Variants in EIF3A observed in about 807,000 individuals in gnomAD.
The protein encoded by EIF3A is EIF3, p180 subunit.
EIF3A carries 21 observed loss-of-function variants against 186.6 expected under a neutral mutation model. The ratio of observed to expected loss-of-function variants is 0.11; its 90% CI spans 0.08 to 0.16. The LOEUF is 0.16. Among genes scored for constraint, EIF3A ranks in the 10% least tolerant of loss-of-function variants. The pLI is 1.00. For synonymous variants in EIF3A, 563 were observed against 584.3 expected (o/e 0.96, Z 0.52); for missense variants, 1,306 against 1,796.3 (o/e 0.73, Z 4.93).
intron 8 of EIF3A, 35 bp from the exon 9 acceptor site, chr10:119,060,879 T>A: frequency 7.0e-7 from 1 of 1,427,398 alleles, no homozygotes; most frequent in Non-Finnish European, 9.7e-7. Context: ...AGAATCACAC[T>A]TTCTACATAA....
intron 6 of EIF3A, among the ~76,000 whole-genome samples, chr10:119,066,038 C>T (rs1241666905): frequency 6.6e-6 from 1 of 151,730 alleles, no homozygotes; most frequent in African/African-American, 2.4e-5. Flanking sequence ...ATCGCATGAA[C>T]CCGGGAGGCG....
At chr10:119,043,998 A>G in intron 18 of EIF3A, 56 bp downstream of exon 18, 1 of 1,286,704 alleles carries the variant, frequency 7.8e-7, no homozygotes, top group Non-Finnish European at 1.1e-6. Context: ...TTTTAAAACC[A>G]CTGATAAGAT....
At chr10:119,037,085 T>A in intron 21 of EIF3A, 34 bp downstream of exon 21, 1 of 559,836 alleles carries the variant, frequency 1.8e-6, no homozygotes, top group Non-Finnish European at 3.1e-6. Context: ...AAACGACAGT[T>A]CTCCAATACT....
At chr10:119,072,024 CAA>C (rs56100757) in intron 4 of EIF3A, among the ~76,000 whole-genome samples, 8 of 59,472 alleles carry the variant, frequency 1.3e-4, no homozygotes, top group African/African-American at 4.8e-4. Flanking sequence ...GACTCTGTCT[CAA>C]AAAAAAAAAA....
At position 119,057,825 on chromosome 10, in the gene EIF3A, T is replaced by G. The variant is rs189896018; in HGVS notation, c.1977+131A>C. ...CAATAAACATATGCTTACTCACAGA[T>G]TTAGTCATGACCAGCTGTACCAAAA... On this transcript the variant is annotated intron_variant, in intron 12 of 21. Transcript: ENST00000369144. The G allele has an allele frequency of 7.0e-4, 491 of 704,652 alleles. 2 individuals are homozygous for G. The African/African-American group carries it at 7.7e-3, about 11-fold the overall frequency. The allele number at this position is 704,652 out of a possible 1,614,324, so 43.6% of individuals were successfully genotyped here.
chr10:119,056,255 G>A (rs913000867), intron 14 of EIF3A, among the ~76,000 whole-genome samples: 3 of 152,136 alleles, frequency 2.0e-5, no homozygotes, highest in African/African-American at 7.2e-5. Context: ...AGTCACGAAA[G>A]ACAACACAGT....
chr10:119,066,274 C>T (rs1156761803), intron 6 of EIF3A, among the ~76,000 whole-genome samples: 2 of 151,504 alleles, frequency 1.3e-5, no homozygotes, highest in African/African-American at 2.4e-5. Flanking sequence ...TTTGGGAGGC[C>T]GAAGCAGACG....
At position 119,037,177 on chromosome 10, in the gene EIF3A, T is replaced by G. The variant is rs1848143692; in HGVS notation, c.3861A>C (p.Arg1287=). The change falls in exon 21 of 22, where the codon CGA becomes CGC. Residue 1287 remains arginine (R), a synonymous_variant. Coordinates refer to ENST00000369144, the MANE Select transcript of EIF3A (RefSeq NM_003750.4). Reference sequence around the variant, plus strand: ...TTCGGTCCCTGTCGTCTCTTAGATCTCGTCTTTCTCTTAGATCACGCCGGT... The same window carrying G: ...TTCGGTCCCTGTCGTCTCTTAGATCGCGTCTTTCTCTTAGATCACGCCGGT... ...RDDRRDLRER[R]DLRDDRDRRG... is the part of the protein sequence containing the mutation. 6.2e-7 allele frequency: 1 copy of G among 1,613,196 alleles called. No individual in the cohort carries two copies. Among genetic ancestry groups the G allele is most frequent in the African/African-American group, 1.3e-5 (1 of 74,734 alleles).
intron 17 of EIF3A, among the ~76,000 whole-genome samples, chr10:119,047,195 G>A (rs1265898602): frequency 6.6e-6 from 1 of 152,158 alleles, no homozygotes; most frequent in African/African-American, 2.4e-5. Flanking sequence ...TTGAAACTGG[G>A]AGGCGGAGGT....
intron 10 of EIF3A, 29 bp downstream of exon 10, chr10:119,059,573 T>A: frequency 6.5e-7 from 1 of 1,549,358 alleles, no homozygotes; most frequent in Non-Finnish European, 8.9e-7. Flanking sequence ...TCAAGGGCCT[T>A]CTCCTGTCTC....
intron 17 of EIF3A, among the ~76,000 whole-genome samples, chr10:119,048,772 A>G (rs1168190863): frequency 1.3e-5 from 2 of 151,876 alleles, no homozygotes; most frequent in East Asian, 1.9e-4. Flanking sequence ...CCTGGGTTCA[A>G]GCAATTCTCC....
chr10:119,040,594 G>C (rs182905346), intron 19 of EIF3A, among the ~76,000 whole-genome samples: 1 of 152,208 alleles, frequency 6.6e-6, no homozygotes, highest in Non-Finnish European at 1.5e-5. Context: ...AAAACTGGCC[G>C]GGGCAGTGGC....
At chr10:119,073,258 G>A (rs1844107764) in intron 3 of EIF3A, among the ~76,000 whole-genome samples, 183 bp downstream of exon 3, 1 of 152,094 alleles carries the variant, frequency 6.6e-6, no homozygotes, top group African/African-American at 2.4e-5. Flanking sequence ...TCTTAAGGCT[G>A]TCATTTTCCA....
intron 12 of EIF3A, among the ~76,000 whole-genome samples, chr10:119,057,400 A>G (rs555593811): frequency 8.5e-5 from 13 of 152,352 alleles, no homozygotes; most frequent in African/African-American, 3.1e-4. Context: ...AGGTCAGTCA[A>G]AATGCATTCA....
At chr10:119,066,938 C>T (rs1476613319) in intron 6 of EIF3A, among the ~76,000 whole-genome samples, 1 of 152,146 alleles carries the variant, frequency 6.6e-6, no homozygotes, top group East Asian at 1.9e-4. Flanking sequence ...GTGGACCAGG[C>T]GCAGTGGCTC....
At chr10:119,044,893 A>G (rs896085603) in intron 17 of EIF3A, among the ~76,000 whole-genome samples, 1 of 152,092 alleles carries the variant, frequency 6.6e-6, no homozygotes, top group Non-Finnish European at 1.5e-5. Flanking sequence ...AATAAGCTAC[A>G]GTCTCAAACA....
At chr10:119,059,921 CTA>C in intron 9 of EIF3A, 1 of 615,470 alleles carries the variant, frequency 1.6e-6, no homozygotes, top group East Asian at 2.9e-5. Flanking sequence ...TTCCTCAAAC[CTA>C]TAATCTTTTC....
chr10:119,036,531 G>A (rs1410421359), intron 21 of EIF3A, among the ~76,000 whole-genome samples: 1 of 152,138 alleles, frequency 6.6e-6, no homozygotes, highest in Non-Finnish European at 1.5e-5. Flanking sequence ...ACTACAGTTA[G>A]TATAAACCCG....
At chr10:119,075,065 G>C (rs1404706456) in intron 1 of EIF3A, among the ~76,000 whole-genome samples, 3 of 135,216 alleles carry the variant, frequency 2.2e-5, no homozygotes, top group African/African-American at 8.2e-5. Context: ...CACCGCAACC[G>C]ATTCTCCTGC....
Sources: allele counts gnomAD v4.1 joint callset (sites outside exome capture counted in the v4.1 genomes callset), GRCh38; gene constraint gnomAD v4.1.1; transcripts MANE v1.5; gene names NCBI Gene and HGNC (gene_info 2026-07-23, HGNC 2026-07-21).